Variants in GPM6A observed in about 807,000 individuals in gnomAD.
GPM6A encodes glycoprotein M6A, also known as neuronal membrane glycoprotein M6-a.
A neutral mutation model predicts 32.1 loss-of-function variants in GPM6A; 7 were observed. The ratio of observed to expected loss-of-function variants is 0.22; its 90% CI spans 0.12 to 0.41. GPM6A has a LOEUF of 0.41. GPM6A is among the 10% of genes least tolerant of loss of function. GPM6A has a pLI of 1.00. For missense variants in GPM6A, 235 were observed against 347.2 expected, an observed-to-expected ratio of 0.68 and a Z score of 2.57; for synonymous variants, 130 against 123.4, an observed-to-expected ratio of 1.05 and a Z score of -0.35.
intron 2 of GPM6A, among the ~76,000 whole-genome samples, chr4:175,687,845 T>C (rs1744074488): frequency 6.6e-6 from 1 of 152,152 alleles, no homozygotes; most frequent in Non-Finnish European, 1.5e-5. Flanking sequence ...ACTTGTTATT[T>C]TCTGTCTTAT....
intron 1 of GPM6A, among the ~76,000 whole-genome samples, chr4:175,859,575 GA>G (rs751948332): frequency 3.9e-5 from 6 of 152,254 alleles, no homozygotes; most frequent in East Asian, 3.9e-4. Flanking sequence ...CAGAAGTACA[GA>G]AAGGTGAATG....
intron 1 of GPM6A, among the ~76,000 whole-genome samples, chr4:175,917,837 A>G (rs1203312040): frequency 9.9e-6 from 1 of 101,140 alleles, no homozygotes; most frequent in Non-Finnish European, 2.0e-5. Flanking sequence ...AGAGACAACA[A>G]TGTTAAGTAG....
At chr4:175,693,743 CTTAT>C (rs1406398700) in intron 2 of GPM6A, among the ~76,000 whole-genome samples, 1 of 152,076 alleles carries the variant, frequency 6.6e-6, no homozygotes, top group African/African-American at 2.4e-5. Context: ...CTATCGTGTT[CTTAT>C]TTATAGATAT....
At chr4:175,674,177 G>T (rs144632259) in intron 2 of GPM6A, among the ~76,000 whole-genome samples, 3,631 of 152,082 alleles carry the variant, frequency 0.024, 54 homozygotes, top group Non-Finnish European at 0.031. Flanking sequence ...TTTTTATTTA[G>T]TTATTTATTT....
At chr4:175,652,036 G>C (rs1251918460) in intron 3 of GPM6A, 49 bp from the exon 4 acceptor site, 1 of 1,472,504 alleles carries the variant, frequency 6.8e-7, no homozygotes, top group Non-Finnish European at 9.3e-7. Context: ...TACCAAAAAA[G>C]AAGAATTTTG....
At chr4:175,962,930 G>T (rs1258340694) in intron 1 of GPM6A, among the ~76,000 whole-genome samples, 1 of 152,064 alleles carries the variant, frequency 6.6e-6, no homozygotes, top group Admixed American at 6.6e-5. Flanking sequence ...AAAGCAGATA[G>T]CATGTAAGAA....
At chr4:175,923,620 C>A (rs59480225) in intron 1 of GPM6A, among the ~76,000 whole-genome samples, 1,877 of 152,082 alleles carry the variant, frequency 0.012, 34 homozygotes, top group African/African-American at 0.042. Context: ...GTGGCGTGAG[C>A]TTGGCTCACT....
chr4:176,000,735 G>A lies in GPM6A; in HGVS notation c.-23+1574C>T, dbSNP rs74476725. Among the ~76,000 whole-genome samples, 1,105 of 152,244 alleles carry A rather than the reference G, an allele frequency of 7.3e-3. 7 individuals are homozygous for A. The highest frequency in any genetic ancestry group is 0.012 in the Non-Finnish European group (810 of 68,032). On this transcript the variant is annotated intron_variant, in intron 1 of 7. Coordinates refer to the GPM6A transcript ENST00000280187. ...TAGAAACAAGAGTTTATAGGCTCAA[G>A]TGGTCAAGTAGAACAGCAAGTGTTG...
Position 175,745,521 on chromosome 4 carries a change from T to A in GPM6A, c.38-43754A>T, listed in dbSNP as rs187488175. Among the ~76,000 whole-genome samples the A allele has an allele frequency of 2.5e-3, 387 of 152,276 alleles. 3 individuals carry two copies. Among genetic ancestry groups the A allele is most frequent in the Middle Eastern group, 6.8e-3 (2 of 294 alleles). ...GGGCTGGATGCTAGAAGAACCCAGA[T>A]GAATGAGAGCAAGTCCCTGCCTCAA... On this transcript the variant is annotated intron_variant, in intron 1 of 6. Transcript: ENST00000393658.
At chr4:175,850,318 G>A (rs962393963) in intron 1 of GPM6A, among the ~76,000 whole-genome samples, 1 of 152,108 alleles carries the variant, frequency 6.6e-6, no homozygotes, top group Non-Finnish European at 1.5e-5. Context: ...GAGTAACAAT[G>A]GAAATGCAAG....
rs373712449 is a variant in GPM6A at position 175,733,736 on chromosome 4, A to C, written c.38-31969T>G. 5.3e-5 allele frequency among the ~76,000 whole-genome samples: 8 copies of C among 152,350 alleles called. No homozygotes were observed. The East Asian group carries it at 1.3e-3, about 26-fold the overall frequency. On this transcript the variant is annotated intron_variant, in intron 1 of 6. Coordinates refer to ENST00000393658, the MANE Select transcript of GPM6A (RefSeq NM_201591.3). Reference sequence around the variant, plus strand: ...TGAGAGACTATGAAAAGAATAAAACACAAAGATAGAGGAAAACAATCCTGT... The same window carrying C: ...TGAGAGACTATGAAAAGAATAAAACCCAAAGATAGAGGAAAACAATCCTGT...
chr4:175,824,809 A>G (rs1357892802), intron 1 of GPM6A, among the ~76,000 whole-genome samples: 1 of 152,190 alleles, frequency 6.6e-6, no homozygotes, highest in Non-Finnish European at 1.5e-5. Flanking sequence ...TCTATTTTAC[A>G]GGGTATAAGT....
At chr4:175,865,494 A>C (rs1736706513) in intron 1 of GPM6A, among the ~76,000 whole-genome samples, 1 of 152,226 alleles carries the variant, frequency 6.6e-6, no homozygotes, top group Non-Finnish European at 1.5e-5. Flanking sequence ...TTGGTATTTC[A>C]TTGAATCTAT....
At chr4:175,645,593 C>T (rs1409938142) in intron 4 of GPM6A, among the ~76,000 whole-genome samples, 4 of 152,028 alleles carry the variant, frequency 2.6e-5, no homozygotes, top group Non-Finnish European at 4.4e-5. Context: ...TGGTGGCACA[C>T]GCCTGTAATC....
chr4:175,876,841 C>T (rs1737099246), intron 1 of GPM6A, among the ~76,000 whole-genome samples: 1 of 152,152 alleles, frequency 6.6e-6, no homozygotes, highest in Non-Finnish European at 1.5e-5. Flanking sequence ...ATTTGTCCCT[C>T]ATCTGGTTCT....
chr4:175,991,577 A>G (rs1463685813), intron 1 of GPM6A, among the ~76,000 whole-genome samples: 2 of 152,202 alleles, frequency 1.3e-5, no homozygotes, highest in Non-Finnish European at 2.9e-5. Flanking sequence ...AGATGGAAAT[A>G]CATAGTTGAC....
At chr4:175,856,579 G>C (rs924145031) in intron 1 of GPM6A, among the ~76,000 whole-genome samples, 2 of 152,148 alleles carry the variant, frequency 1.3e-5, no homozygotes, top group Non-Finnish European at 2.9e-5. Context: ...GCCTTTTTGG[G>C]TTCCTGCACA....
At chr4:175,909,118 A>T (rs1004201393) in intron 1 of GPM6A, among the ~76,000 whole-genome samples, 1 of 151,754 alleles carries the variant, frequency 6.6e-6, no homozygotes, top group African/African-American at 2.4e-5. Flanking sequence ...GAAAGAAAAA[A>T]AATGCTGTTA....
rs200545270 is a variant in GPM6A, at chr4:175,734,566, TTA to T, written c.38-32801_38-32800del. 3.2e-3 allele frequency among the ~76,000 whole-genome samples: 481 copies of T among 148,628 alleles called. 3 individuals carry two copies. The highest frequency in any genetic ancestry group is 0.01 in the African/African-American group (429 of 40,996). ...TCAAATGTAATCAGTCCTTTACTTT[TTA>T]AAAAAAAAAAATGCTATATAATAGG... On this transcript the variant is annotated intron_variant, in intron 1 of 6. Coordinates refer to ENST00000393658, the MANE Select transcript of GPM6A (RefSeq NM_201591.3).
Sources: gnomAD v4.1 joint callset for allele counts (sites outside exome capture counted in the v4.1 genomes callset) on GRCh38, gnomAD v4.1.1 for gene constraint, MANE v1.5 for transcripts, NCBI Gene and HGNC (gene_info 2026-07-23, HGNC 2026-07-21) for gene names.